Variants in LDLRAD4 observed in about 807,000 individuals in gnomAD.
The protein encoded by LDLRAD4 is low density lipoprotein receptor class A domain containing 4.
A neutral mutation model predicts 17.0 loss-of-function variants in LDLRAD4; 5 were observed. The observed-to-expected ratio is 0.29, with a 90% CI of 0.15 to 0.62. The LOEUF (loss-of-function observed/expected upper bound fraction) is 0.62. Among genes scored for constraint, LDLRAD4 ranks in the 20% least tolerant of loss-of-function variants. The pLI is 0.84. For missense variants in LDLRAD4, 340 were observed against 424.7 expected (o/e 0.80, Z 1.75); for synonymous variants, 168 against 171.8 (o/e 0.98, Z 0.17).
intron 1 of LDLRAD4, among the ~76,000 whole-genome samples, chr18:13,329,360 A>G (rs1869979764): frequency 6.6e-6 from 1 of 152,220 alleles, no homozygotes. Flanking sequence ...CTACTAGGAA[A>G]AAAAGTAATA....
At chr18:13,501,486 CCTGT>C (rs372227038) in intron 3 of LDLRAD4, among the ~76,000 whole-genome samples, 7 of 152,036 alleles carry the variant, frequency 4.6e-5, no homozygotes, top group Admixed American at 2.0e-4. Context: ...TTTCCTTGAG[CCTGT>C]CTGTCTGTCT....
At chr18:13,582,220 A>C (rs952260233) in intron 3 of LDLRAD4, among the ~76,000 whole-genome samples, 8 of 152,242 alleles carry the variant, frequency 5.3e-5, no homozygotes, top group Non-Finnish European at 8.8e-5. Context: ...ACACAGAAGC[A>C]CTCAGCAATG....
intron 3 of LDLRAD4, chr18:13,612,009 G>A (rs1349160005): frequency 4.4e-5 from 43 of 985,406 alleles, no homozygotes; most frequent in Admixed American, 6.1e-5. Flanking sequence ...CGGATCTGCA[G>A]GGGAGAAGCA....
intron 1 of LDLRAD4, among the ~76,000 whole-genome samples, chr18:13,381,076 GTTTTTT>G (rs759672017): frequency 7.8e-6 from 1 of 128,486 alleles, no homozygotes; most frequent in Non-Finnish European, 1.6e-5. Flanking sequence ...TTTCTCTTTA[GTTTTTT>G]TTTTTTTTTT....
At chr18:13,535,343 C>T (rs905719277) in intron 3 of LDLRAD4, among the ~76,000 whole-genome samples, 1 of 152,090 alleles carries the variant, frequency 6.6e-6, no homozygotes, top group Non-Finnish European at 1.5e-5. Flanking sequence ...TATTATCAGT[C>T]CTTTTACCTT....
chr18:13,243,987 C>G (rs931512012), intron 1 of LDLRAD4, among the ~76,000 whole-genome samples: 2 of 134,396 alleles, frequency 1.5e-5, no homozygotes, highest in Non-Finnish European at 1.6e-5. Context: ...ACCCACCCAC[C>G]CACCCACTCA....
chr18:13,273,540 C>T (rs755052374), upstream of LDLRAD4, among the ~76,000 whole-genome samples: 3 of 152,174 alleles, frequency 2.0e-5, no homozygotes, highest in Admixed American at 6.5e-5. Context: ...TATCCTCCCA[C>T]CTTGGCCTCT....
chr18:13,268,664 T>C (rs780707320), intron 1 of LDLRAD4, among the ~76,000 whole-genome samples: 1 of 152,214 alleles, frequency 6.6e-6, no homozygotes, highest in Non-Finnish European at 1.5e-5. Context: ...GTTTAGAAGC[T>C]ATGCAGTATT....
intron 3 of LDLRAD4, among the ~76,000 whole-genome samples, chr18:13,441,217 C>A (rs2091002773): frequency 6.6e-6 from 1 of 152,228 alleles, no homozygotes; most frequent in East Asian, 1.9e-4. Context: ...GGATATTTCA[C>A]TTCCTGTTAA....
chr18:13,547,046 A>G (rs2094375799), intron 3 of LDLRAD4, among the ~76,000 whole-genome samples: 1 of 152,168 alleles, frequency 6.6e-6, no homozygotes, highest in Non-Finnish European at 1.5e-5. Context: ...TATTGATGCT[A>G]GATAAGATTG....
chr18:13,522,654 G>T (rs1049371893), intron 3 of LDLRAD4: 5 of 152,064 alleles, frequency 3.3e-5, no homozygotes, highest in African/African-American at 1.2e-4. Flanking sequence ...ACAAAAAAAG[G>T]ACTAGAATGA....
intron 2 of LDLRAD4, chr18:13,419,351 G>C (rs945476874): frequency 1.3e-5 from 2 of 152,118 alleles, no homozygotes; most frequent in African/African-American, 2.4e-5. Context: ...CATAGTTTTG[G>C]ATCATGATTA....
At chr18:13,380,325 A>G (rs186305226) in intron 1 of LDLRAD4, among the ~76,000 whole-genome samples, 12 of 152,250 alleles carry the variant, frequency 7.9e-5, no homozygotes, top group South Asian at 6.2e-4. Context: ...CTGTCTTCCT[A>G]GCATTGCAGG....
intron 3 of LDLRAD4, among the ~76,000 whole-genome samples, chr18:13,523,256 A>G (rs2093980439): frequency 1.3e-5 from 2 of 152,168 alleles, no homozygotes; most frequent in Admixed American, 1.3e-4. Context: ...GACATCCCCG[A>G]TCAATTCATG....
chr18:13,270,961 G>A (rs560047018), intron 1 of LDLRAD4, among the ~76,000 whole-genome samples: 2 of 152,306 alleles, frequency 1.3e-5, no homozygotes, highest in Admixed American at 1.3e-4. Flanking sequence ...GCATACATGT[G>A]TACATATTGC....
chr18:13,545,690 C>T (rs150101674), intron 3 of LDLRAD4, among the ~76,000 whole-genome samples: 38 of 152,222 alleles, frequency 2.5e-4, no homozygotes, highest in Admixed American at 5.9e-4. Flanking sequence ...GGGAAACTGG[C>T]GGGGCAGGAA....
intron 3 of LDLRAD4, among the ~76,000 whole-genome samples, chr18:13,459,433 G>A (rs1308184248): frequency 2.0e-5 from 3 of 151,548 alleles, no homozygotes; most frequent in Admixed American, 2.0e-4. Context: ...GCCCAGGCTG[G>A]AGTGCAGTGT....
chr18:13,498,570 G>A (rs1325987726), intron 3 of LDLRAD4, among the ~76,000 whole-genome samples: 1 of 150,606 alleles, frequency 6.6e-6, no homozygotes, highest in Non-Finnish European at 1.5e-5. Flanking sequence ...TCCCACTGTG[G>A]ACACTGGAGA....
chr18:13,308,632 T>C (rs2146689667), intron 1 of LDLRAD4, among the ~76,000 whole-genome samples: 1 of 152,362 alleles, frequency 6.6e-6, no homozygotes, highest in South Asian at 2.1e-4. Context: ...TAAACATAGT[T>C]TGAATTTGCA....
Sources: allele counts gnomAD v4.1 joint callset (sites outside exome capture counted in the v4.1 genomes callset), GRCh38; gene constraint gnomAD v4.1.1; transcripts MANE v1.5; gene names NCBI Gene and HGNC (gene_info 2026-07-23, HGNC 2026-07-21).